The following ANKRD28 variants were observed in gnomAD, a reference collection of about 807,000 sequenced individuals.
ANKRD28 encodes ankyrin repeat domain 28.
ANKRD28 carries 44 observed loss-of-function variants against 126.5 expected under a neutral mutation model. That is an observed-to-expected ratio of 0.35 (90% confidence interval 0.27 to 0.45). The LOEUF (loss-of-function observed/expected upper bound fraction) is 0.45. ANKRD28 is among the 20% of genes least tolerant of loss of function. ANKRD28 has a pLI of 1.00. For synonymous variants in ANKRD28, 442 were observed against 468.5 expected, an observed-to-expected ratio of 0.94 and a Z score of 0.73; for missense variants, 1,110 against 1,316.6, an observed-to-expected ratio of 0.84 and a Z score of 2.43.
intron 4 of ANKRD28, among the ~76,000 whole-genome samples, chr3:15,737,833 A>C (rs1053011019): frequency 3.9e-5 from 6 of 151,962 alleles, no homozygotes; most frequent in Non-Finnish European, 8.8e-5. Context: ...TTAAAAACAT[A>C]CTATTTCTCA....
chr3:15,692,389 G>T (rs974153740), intron 17 of ANKRD28, among the ~76,000 whole-genome samples: 4 of 152,190 alleles, frequency 2.6e-5, no homozygotes, highest in Admixed American at 6.6e-5. Context: ...ATTCAAGACT[G>T]TAGTGAGCCG....
At chr3:15,722,499 C>T (rs1004615680) in intron 7 of ANKRD28, among the ~76,000 whole-genome samples, 4 of 152,126 alleles carry the variant, frequency 2.6e-5, no homozygotes, top group African/African-American at 7.2e-5. Flanking sequence ...TGTAATAAAC[C>T]ACAACCATGA....
chr3:15,756,818 T>G (rs139482948), intron 3 of ANKRD28, among the ~76,000 whole-genome samples: 1 of 152,326 alleles, frequency 6.6e-6, no homozygotes, highest in East Asian at 1.9e-4. Context: ...GCAATTCTAT[T>G]AGGAGTATCC....
chr3:15,858,668 T>C (rs1474581293), intron 1 of ANKRD28, among the ~76,000 whole-genome samples: 1 of 152,064 alleles, frequency 6.6e-6, no homozygotes, highest in Non-Finnish European at 1.5e-5. Context: ...AGGGGGAAAA[T>C]GTTTGGCAGC....
rs547577444 is a variant in ANKRD28, at chr3:15,670,592, C to T, written c.2966-36G>A. The T allele has an allele frequency of 6.4e-4, 1,019 of 1,583,172 alleles. 14 individuals are homozygous for T. In the South Asian group the frequency reaches 0.011, roughly 17 times the overall value. On this transcript the variant is annotated intron_variant, in intron 27 of 27. Coordinates refer to ENST00000683139, the MANE Select transcript of ANKRD28 (RefSeq NM_001349278.2). ...AGATAAAATTTAAAAATTAAGCATC[C>T]TGAGATGTATTTCACCAAAGACAAG...
rs397934004 is a variant in ANKRD28, at chr3:15,731,848, C to CAAAAAAAAAAAA, written c.640+3550_640+3561dup. 6.6e-4 allele frequency: 3 copies of CAAAAAAAAAAAA among 4,522 alleles called. 1 individual carries two copies. Among genetic ancestry groups the CAAAAAAAAAAAA allele is most frequent in the African/African-American group, 1.9e-3 (3 of 1,584 alleles). 0.3% of individuals were successfully genotyped at this position (4,522 alleles called of 1,614,324 possible). ...CTGGACAACAAGGGTGAAACTGTCT[C>CAAAAAAAAAAAA]AAAAAAAAAAAAAAAAAAAAAAAAA... On this transcript the variant is annotated intron_variant, in intron 6 of 27. Coordinates refer to ENST00000683139, the MANE Select transcript of ANKRD28 (RefSeq NM_001349278.2).
intron 1 of ANKRD28, among the ~76,000 whole-genome samples, chr3:15,834,245 G>A (rs1425548126): frequency 6.6e-6 from 1 of 152,060 alleles, no homozygotes; most frequent in African/African-American, 2.4e-5. Context: ...TATATGGTGA[G>A]AGGCATGGGT....
chr3:15,749,845 G>T (rs561922388), intron 4 of ANKRD28, among the ~76,000 whole-genome samples: 19 of 152,312 alleles, frequency 1.2e-4, no homozygotes, highest in African/African-American at 4.6e-4. Flanking sequence ...CCTGTGATGT[G>T]ATCTGTCTTC....
chr3:15,709,605 TAGA>T, intron 13 of ANKRD28, 60 bp downstream of exon 13: 2 of 1,146,446 alleles, frequency 1.7e-6, no homozygotes, highest in Non-Finnish European at 2.5e-6. Flanking sequence ...AGAAGCCAGT[TAGA>T]AGGTCAATCA....
intron 1 of ANKRD28, among the ~76,000 whole-genome samples, chr3:15,823,226 A>AATTCTC (rs1362018764): frequency 6.6e-6 from 1 of 152,164 alleles, no homozygotes; most frequent in African/African-American, 2.4e-5. Context: ...CACAGTTTAC[A>AATTCTC]ATAGGCTTCC....
intron 1 of ANKRD28, among the ~76,000 whole-genome samples, chr3:15,807,657 A>C (rs1041080500): frequency 6.6e-6 from 1 of 152,214 alleles, no homozygotes; most frequent in African/African-American, 2.4e-5. Flanking sequence ...GAATACCTTC[A>C]AGAAGGGCAG....
intron 8 of ANKRD28, among the ~76,000 whole-genome samples, chr3:15,716,272 G>A (rs1027171898): frequency 2.8e-4 from 42 of 147,904 alleles, no homozygotes; most frequent in Non-Finnish European, 4.3e-4. Flanking sequence ...ATGAGCCACC[G>A]CACCTGGACT....
rs992116789 is a variant in ANKRD28, at chr3:15,858,366, A to C, written c.27+1011T>G. Among the ~76,000 whole-genome samples, 26 of 152,254 alleles carry C rather than the reference A, an allele frequency of 1.7e-4. 2 individuals carry two copies. The highest frequency in any genetic ancestry group is 2.9e-5 in the Non-Finnish European group (2 of 68,044). ...TACACAAGGTCTGCGATCAGCCTAA[A>C]CATAAAATTCACTTATGAAATGAGA... is the stretch of plus-strand genomic sequence containing the variant. On this transcript the variant is annotated intron_variant, in intron 1 of 27. Coordinates refer to the ANKRD28 transcript ENST00000399451.
intron 2 of ANKRD28, among the ~76,000 whole-genome samples, chr3:15,767,626 C>G (rs1249512574): frequency 7.2e-6 from 1 of 138,360 alleles, no homozygotes; most frequent in African/African-American, 2.7e-5. Flanking sequence ...CTTTGGGAGG[C>G]TGAGGTGGCG....
chr3:15,782,461 C>T (rs1056089429), intron 2 of ANKRD28, among the ~76,000 whole-genome samples: 2 of 152,066 alleles, frequency 1.3e-5, no homozygotes, highest in African/African-American at 2.4e-5. Context: ...CTGCATCATA[C>T]ACAAATACAC....
intron 1 of ANKRD28, among the ~76,000 whole-genome samples, chr3:15,834,573 G>GA (rs1003405775): frequency 6.6e-5 from 10 of 152,148 alleles, no homozygotes; most frequent in East Asian, 3.9e-4. Flanking sequence ...AATCAAAGGG[G>GA]AAAAAATCCA....
chr3:15,813,941 G>A (rs888020063), intron 1 of ANKRD28, among the ~76,000 whole-genome samples: 13 of 152,074 alleles, frequency 8.5e-5, no homozygotes, highest in African/African-American at 2.4e-4. Flanking sequence ...AACTAGTTGC[G>A]ATACCATTAT....
In ANKRD28 at chr3:15,682,889, A is replaced by AC. The variant is rs1417421191; in HGVS notation, c.2389+2336dup. Among the ~76,000 whole-genome samples the AC allele has an allele frequency of 1.1e-4, 16 of 152,322 alleles. No individual in the cohort carries two copies. In the East Asian group the frequency reaches 2.7e-3, roughly 26 times the overall value. On this transcript the variant is annotated intron_variant, in intron 21 of 27. Transcript: ENST00000683139. Reference sequence around the variant, plus strand: ...TTCCTTCCAGCTCAAATTCAGCATCACCACAATTTTGCTACAGGCTGAAAA... The same window carrying AC: ...TTCCTTCCAGCTCAAATTCAGCATCACCCACAATTTTGCTACAGGCTGAAAA...
At chr3:15,674,294 T>C (rs1369174437) in intron 27 of ANKRD28, among the ~76,000 whole-genome samples, 2 of 151,916 alleles carry the variant, frequency 1.3e-5, no homozygotes, top group Non-Finnish European at 2.9e-5. Context: ...GGGCATACTT[T>C]AGATCTACTT....
Sources: allele counts gnomAD v4.1 joint callset (sites outside exome capture counted in the v4.1 genomes callset), GRCh38; gene constraint gnomAD v4.1.1; transcripts MANE v1.5; gene names NCBI Gene and HGNC (gene_info 2026-07-23, HGNC 2026-07-21).